Variants in NTM observed in about 807,000 individuals in gnomAD.
NTM encodes IgLON family member 2.
A neutral mutation model predicts 42.1 loss-of-function variants in NTM; 13 were observed. That is an observed-to-expected ratio of 0.31 (90% CI 0.20 to 0.49). NTM has a LOEUF of 0.49. Among genes scored for constraint, NTM ranks in the 20% least tolerant of loss-of-function variants. NTM has a pLI of 0.99. For synonymous variants in NTM, 187 were observed against 179.2 expected, an observed-to-expected ratio of 1.04 and a Z score of -0.35; for missense variants, 373 against 452.8, an observed-to-expected ratio of 0.82 and a Z score of 1.60.
chr11:131,998,016 A>C (rs1330964103), intron 2 of NTM, among the ~76,000 whole-genome samples: 1 of 150,004 alleles, frequency 6.7e-6, no homozygotes, highest in Non-Finnish European at 1.5e-5. Flanking sequence ...ACCTTTGCTC[A>C]AGGCAACCCC....
intron 1 of NTM, among the ~76,000 whole-genome samples, chr11:131,431,223 CA>C (rs1948624846): frequency 6.6e-6 from 1 of 152,024 alleles, no homozygotes; most frequent in African/African-American, 2.4e-5. Context: ...GTCTTGTGGG[CA>C]GTGGGAGAGG....
chr11:131,498,153 T>C (rs1021757648), intron 1 of NTM, among the ~76,000 whole-genome samples: 11 of 152,312 alleles, frequency 7.2e-5, no homozygotes, highest in African/African-American at 2.2e-4. Context: ...CTATTTTCAC[T>C]TGGCGGCACC....
At chr11:131,738,960 T>G (rs145079343) in intron 1 of NTM, among the ~76,000 whole-genome samples, 108 of 152,292 alleles carry the variant, frequency 7.1e-4, no homozygotes, top group African/African-American at 2.4e-3. Flanking sequence ...TCTCTTGGAT[T>G]GAACTTGGGG....
intron 1 of NTM, among the ~76,000 whole-genome samples, chr11:131,839,186 T>C (rs908740386): frequency 6.6e-6 from 1 of 152,094 alleles, no homozygotes; most frequent in Non-Finnish European, 1.5e-5. Flanking sequence ...GGTCTCGAAC[T>C]CCTGACCTCA....
intron 2 of NTM, among the ~76,000 whole-genome samples, chr11:132,054,043 T>A (rs1020173173): frequency 6.6e-6 from 1 of 152,126 alleles, no homozygotes; most frequent in Non-Finnish European, 1.5e-5. Context: ...TGGTGAAATC[T>A]CATCTATACT....
intron 1 of NTM, among the ~76,000 whole-genome samples, chr11:131,476,201 C>T (rs545025853): frequency 6.6e-6 from 1 of 152,316 alleles, no homozygotes; most frequent in African/African-American, 2.4e-5. Context: ...GTATGTTCTT[C>T]TAGAAAATTC....
chr11:131,376,497 C>T (rs1941992555), intron 1 of NTM, among the ~76,000 whole-genome samples: 11 of 152,090 alleles, frequency 7.2e-5, no homozygotes. Flanking sequence ...GAAACCCTGC[C>T]AGAAGAGCTC....
intron 2 of NTM, among the ~76,000 whole-genome samples, chr11:131,994,606 A>G (rs1296363552): frequency 6.6e-6 from 1 of 152,074 alleles, no homozygotes; most frequent in Admixed American, 6.5e-5. Flanking sequence ...CTGTTTTTTT[A>G]TATGCTCGTA....
chr11:132,195,448 T>G (rs936979641), intron 3 of NTM, among the ~76,000 whole-genome samples: 1 of 150,726 alleles, frequency 6.6e-6, no homozygotes, highest in African/African-American at 2.4e-5. Flanking sequence ...AAATAAAAAC[T>G]GTACTAAAAT....
intron 1 of NTM, among the ~76,000 whole-genome samples, chr11:131,603,095 T>C (rs2060629512): frequency 6.6e-6 from 1 of 152,204 alleles, no homozygotes; most frequent in Non-Finnish European, 1.5e-5. Flanking sequence ...CTTTGCTCGA[T>C]CCTTTTAATC....
chr11:131,540,573 A>C (rs1366403129), intron 1 of NTM: 1 of 152,224 alleles, frequency 6.6e-6, no homozygotes, highest in African/African-American at 2.4e-5. Context: ...TGGAGAGGGT[A>C]GTAGGTCAAT....
chr11:132,273,160 A>G (rs906041448), intron 4 of NTM, among the ~76,000 whole-genome samples: 1 of 151,776 alleles, frequency 6.6e-6, no homozygotes, highest in African/African-American at 2.4e-5. Context: ...TCTTGAGATT[A>G]TTGTGTGGTT....
chr11:131,595,115 G>T (rs972346734), intron 1 of NTM, among the ~76,000 whole-genome samples: 7 of 152,156 alleles, frequency 4.6e-5, no homozygotes, highest in African/African-American at 1.7e-4. Context: ...TGCCATTTGG[G>T]GAGGAAAGGC....
intron 2 of NTM, among the ~76,000 whole-genome samples, chr11:131,926,498 A>ACGC (rs2057974097): frequency 6.6e-6 from 1 of 151,960 alleles, no homozygotes; most frequent in African/African-American, 2.4e-5. Flanking sequence ...CGGCAAGTGG[A>ACGC]ATGACCTAGT....
chr11:131,605,672 G>T (rs1288364199), intron 1 of NTM: 1 of 324,202 alleles, frequency 3.1e-6, no homozygotes. Flanking sequence ...TTAACCCTGG[G>T]TGGTTTGTAT....
At chr11:131,636,009 G>C (rs566110842) in intron 1 of NTM, among the ~76,000 whole-genome samples, 1 of 152,342 alleles carries the variant, frequency 6.6e-6, no homozygotes, top group Admixed American at 6.5e-5. Context: ...CTACCATCGA[G>C]GTTCGTGTAA....
At chr11:131,779,927 G>T (rs184637919) in intron 1 of NTM, among the ~76,000 whole-genome samples, 6 of 152,244 alleles carry the variant, frequency 3.9e-5, no homozygotes, top group Admixed American at 2.6e-4. Flanking sequence ...ATCCAAGGGG[G>T]AACAGCACGG....
intron 1 of NTM, among the ~76,000 whole-genome samples, chr11:131,506,004 G>C (rs2047444079): frequency 1.3e-5 from 2 of 152,142 alleles, no homozygotes; most frequent in African/African-American, 4.8e-5. Context: ...ATACCCATAA[G>C]AAGCCTGTTG....
chr11:132,032,409 C>A (rs2076040770), intron 2 of NTM, among the ~76,000 whole-genome samples: 1 of 152,234 alleles, frequency 6.6e-6, no homozygotes, highest in African/African-American at 2.4e-5. Flanking sequence ...ATAGGAGCTG[C>A]ACACTTCATT....
Sources: allele counts gnomAD v4.1 joint callset (sites outside exome capture counted in the v4.1 genomes callset), GRCh38; gene constraint gnomAD v4.1.1; transcripts MANE v1.5; gene names NCBI Gene and HGNC (gene_info 2026-07-23, HGNC 2026-07-21).